KIAA1549L: variants seen among roughly 807,000 people sequenced by gnomAD.
KIAA1549L encodes KIAA1549 like, also known as UPF0606 protein KIAA1549L.
Under a neutral mutation model 160.7 loss-of-function variants are expected in KIAA1549L, and 88 were observed. The ratio of observed to expected loss-of-function variants is 0.55; its 90% CI spans 0.46 to 0.65. The LOEUF (loss-of-function observed/expected upper bound fraction) is 0.65, where lower values mean the gene tolerates loss of function less well. Among genes scored for constraint, KIAA1549L ranks in the 30% least tolerant of loss-of-function variants. The pLI, the probability that KIAA1549L is intolerant of heterozygous loss-of-function variation, is 0.00. For synonymous variants in KIAA1549L, 950 were observed against 976.7 expected (o/e 0.97, Z 0.51); for missense variants, 2,258 against 2,437.5 (o/e 0.93, Z 1.55).
At chr11:33,571,302 A>G (rs1855245638) in intron 9 of KIAA1549L, among the ~76,000 whole-genome samples, 1 of 151,290 alleles carries the variant, frequency 6.6e-6, no homozygotes, top group African/African-American at 2.5e-5. Flanking sequence ...GACTGTCTCA[A>G]AAGAGAAAAG....
At chr11:33,442,537 T>C (rs1288083535) in intron 1 of KIAA1549L, among the ~76,000 whole-genome samples, 1 of 152,234 alleles carries the variant, frequency 6.6e-6, no homozygotes, top group Non-Finnish European at 1.5e-5. Context: ...TGCTGAAAAG[T>C]TAGCTCAATC....
chr11:33,613,466 G>T (rs1172605712), intron 15 of KIAA1549L, among the ~76,000 whole-genome samples: 1 of 152,152 alleles, frequency 6.6e-6, no homozygotes, highest in African/African-American at 2.4e-5. Context: ...AGTTCTGCAG[G>T]CTGTGGAAGC....
At chr11:33,642,461 G>C (rs1851612103) in intron 16 of KIAA1549L, among the ~76,000 whole-genome samples, 1 of 152,156 alleles carries the variant, frequency 6.6e-6, no homozygotes, top group African/African-American at 2.4e-5. Context: ...CTTGGATAAG[G>C]GAGGGGAAGG....
At chr11:33,614,557 TA>T (rs1850742925) in intron 15 of KIAA1549L, among the ~76,000 whole-genome samples, 24 of 15,310 alleles carry the variant, frequency 1.6e-3, no homozygotes, top group African/African-American at 7.9e-3. Context: ...TATATATATA[TA>T]TATATATATA....
At chr11:33,606,557 T>A in intron 13 of KIAA1549L, 84 bp from the exon 14 acceptor site, 1 of 1,378,564 alleles carries the variant, frequency 7.3e-7, no homozygotes, top group Non-Finnish European at 1.0e-6. Context: ...GTAATGTCCT[T>A]AGGCTGTGAG....
rs552565784 is a variant in KIAA1549L, at chr11:33,660,854, C to T, written c.6008-9C>T. 1 of 1,613,338 alleles carries T rather than the reference C, an allele frequency of 6.2e-7. No individual in the cohort carries two copies. On this transcript the variant is annotated splice_polypyrimidine_tract_variant and intron_variant, in intron 19 of 20. Transcript: ENST00000658780. ...TCTTAACCTCCCTCCTCCATTTCCT[C>T]CATGCCAGGTAATACGGTGCCAGCA...
intron 1 of KIAA1549L, among the ~76,000 whole-genome samples, chr11:33,382,478 C>T (rs929003744): frequency 5.3e-5 from 8 of 151,968 alleles, no homozygotes; most frequent in African/African-American, 1.9e-4. Flanking sequence ...ACACATAAGA[C>T]AATTCTTATG....
chr11:33,521,560 A>G (rs538886219), intron 1 of KIAA1549L, among the ~76,000 whole-genome samples: 2 of 152,350 alleles, frequency 1.3e-5, no homozygotes, highest in Non-Finnish European at 2.9e-5. Flanking sequence ...CAGCAGGCTT[A>G]TTGAATGAGT....
intron 1 of KIAA1549L, among the ~76,000 whole-genome samples, chr11:33,464,873 A>G (rs1256714649): frequency 6.6e-6 from 1 of 151,662 alleles, no homozygotes; most frequent in African/African-American, 2.4e-5. Flanking sequence ...GATTTTTTTT[A>G]GCCCTGCATC....
chr11:33,561,619 GA>G, intron 7 of KIAA1549L, 56 bp from the exon 8 acceptor site: 1 of 1,321,236 alleles, frequency 7.6e-7, no homozygotes, highest in Non-Finnish European at 1.1e-6. Context: ...CTAAATAAAT[GA>G]AACGAAACAA....
At chr11:33,545,511 C>T (rs1854222273) in intron 3 of KIAA1549L, 133 bp downstream of exon 3, 4 of 1,129,516 alleles carry the variant, frequency 3.5e-6, no homozygotes, top group Non-Finnish European at 4.9e-6. Context: ...TTGGCTATGT[C>T]TGGAGACATT....
intron 1 of KIAA1549L, among the ~76,000 whole-genome samples, chr11:33,434,245 A>C (rs1851311039): frequency 6.6e-6 from 1 of 152,112 alleles, no homozygotes; most frequent in Non-Finnish European, 1.5e-5. Context: ...CGTGGTAGTG[A>C]ATAAGTCTCA....
Position 33,568,187 on chromosome 11 carries a change from G to A in KIAA1549L, c.4190G>A (p.Arg1397Gln), listed in dbSNP as rs746216491. ...LFMMSQQQGR[R>Q]FKRATTLGSY... The stretch of plus-strand genomic sequence containing the variant: ...ATGATGTCCCAGCAACAAGGCCGGC[G>A]GTTTAAACGGGCCACCACCCTGGGA... The change falls in exon 9 of 21, where the codon CGG (arginine) becomes CAG (glutamine). Residue 1397 changes from arginine to glutamine, a missense_variant. Arg to Gln is a conservative substitution (Grantham distance 43). Around this residue, in one of 6 missense-constraint regions of KIAA1549L, gnomAD observed 1,359 missense variants for 1,546.6 expected, o/e 0.88. Transcript: ENST00000658780. 3.0e-5 allele frequency: 48 copies of A among 1,613,546 alleles called. No homozygotes were observed. Among genetic ancestry groups the A allele is most frequent in the East Asian group, 6.7e-5 (3 of 44,850 alleles).
At chr11:33,494,259 G>C (rs1459264105) in intron 1 of KIAA1549L, among the ~76,000 whole-genome samples, 1 of 152,126 alleles carries the variant, frequency 6.6e-6, no homozygotes, top group Non-Finnish European at 1.5e-5. Flanking sequence ...CCCAATGCAA[G>C]AAAACCAAAA....
At chr11:33,618,816 G>A (rs1337896561) in intron 16 of KIAA1549L, among the ~76,000 whole-genome samples, 154 bp downstream of exon 16, 1 of 152,356 alleles carries the variant, frequency 6.6e-6, no homozygotes, top group African/African-American at 2.4e-5. Context: ...ATTTTGCAAA[G>A]TAGGACTACT....
chr11:33,602,184 A>G (rs1442068255), intron 13 of KIAA1549L, among the ~76,000 whole-genome samples: 1 of 152,198 alleles, frequency 6.6e-6, no homozygotes. Flanking sequence ...CTCAGAATCT[A>G]TTAATAATCA....
chr11:33,544,754 T>C lies in KIAA1549L; in HGVS notation c.2774-13T>C, dbSNP rs768975157. ...CAAGCCAATGACAAACTTTGTTTTT[T>C]CTCTCTTTACAGCGGACACAGTATC... On this transcript the variant is annotated splice_polypyrimidine_tract_variant and intron_variant, in intron 2 of 20. Coordinates refer to ENST00000658780, the MANE Select transcript of KIAA1549L (RefSeq NM_012194.3). 6.4e-7 allele frequency: 1 copy of C among 1,562,404 alleles called. No homozygotes were observed. The highest frequency in any genetic ancestry group is 2.3e-5 in the East Asian group (1 of 44,210).
Position 33,660,942 on chromosome 11 carries a change from C to A in KIAA1549L, c.6087C>A (p.Pro2029=). The part of the protein sequence containing the change: ...GFTGYFIPTP[P]SSYRNQAWMS... ...CCGGCTACTTCATCCCAACGCCTCC[C>A]TCATCCTATAGGAACCAGGCCTGGA... The change falls in exon 20 of 21, where the codon CCC becomes CCA. Residue 2029 remains proline (P), a synonymous_variant. Coordinates refer to ENST00000658780, the MANE Select transcript of KIAA1549L (RefSeq NM_012194.3). The A allele has an allele frequency of 6.2e-7, 1 of 1,613,554 alleles. No individual in the cohort carries two copies. The highest frequency in any genetic ancestry group is 1.1e-5 in the South Asian group (1 of 90,898).
At position 33,670,568 on chromosome 11, in the gene KIAA1549L, G is replaced by A. The variant is rs901951955; in HGVS notation, c.*2414G>A. ...AAAACCTTAAGTTGGAAAGAAATCA[G>A]TCTGTTCATGTTATCCCACTCATGG... On this transcript the variant is annotated 3_prime_UTR_variant, in exon 21 of 21. Transcript: ENST00000658780. 1 of 152,228 alleles carries A rather than the reference G, an allele frequency of 6.6e-6. No individual in the cohort carries two copies. Among genetic ancestry groups the A allele is most frequent in the Non-Finnish European group, 1.5e-5 (1 of 68,050 alleles). The allele number at this position is 152,228 out of a possible 1,614,324, so 9.4% of individuals were successfully genotyped here.
Sources: allele counts gnomAD v4.1 joint callset (sites outside exome capture counted in the v4.1 genomes callset), GRCh38; gene constraint gnomAD v4.1.1; regional missense constraint gnomAD v4.1.1; transcripts MANE v1.5; gene names NCBI Gene and HGNC (gene_info 2026-07-23, HGNC 2026-07-21).